NCKAP5: variants seen among roughly 807,000 people sequenced by gnomAD.
NCKAP5 encodes nck-associated protein 5.
Under a neutral mutation model 167.0 loss-of-function variants are expected in NCKAP5, and 92 were observed. The observed-to-expected ratio is 0.55, with a 90% CI of 0.47 to 0.66. The LOEUF (loss-of-function observed/expected upper bound fraction) is 0.66, where lower values mean the gene tolerates loss of function less well. NCKAP5 is among the 30% of genes least tolerant of loss of function. The pLI, the probability that NCKAP5 is intolerant of heterozygous loss-of-function variation, is 0.00. For missense variants in NCKAP5, 2,378 were observed against 2,315.0 expected, an observed-to-expected ratio of 1.03 and a Z score of -0.56; for synonymous variants, 891 against 877.4, an observed-to-expected ratio of 1.02 and a Z score of -0.27.
At chr2:133,502,655 C>T (rs760632705) in intron 3 of NCKAP5, among the ~76,000 whole-genome samples, 3 of 152,198 alleles carry the variant, frequency 2.0e-5, no homozygotes, top group African/African-American at 4.8e-5. Context: ...TCCCTCATGC[C>T]GTGAGCCTCT....
At chr2:133,397,056 A>G (rs972133866) in intron 3 of NCKAP5, among the ~76,000 whole-genome samples, 7 of 152,248 alleles carry the variant, frequency 4.6e-5, no homozygotes, top group African/African-American at 1.4e-4. Flanking sequence ...GGAATGACCC[A>G]TATCAGGTTT....
At chr2:133,205,208 G>A (rs368857713) in intron 5 of NCKAP5, among the ~76,000 whole-genome samples, 3 of 152,064 alleles carry the variant, frequency 2.0e-5, no homozygotes, top group African/African-American at 4.8e-5. Flanking sequence ...CAGGTGGGTC[G>A]CTTGAGCCCA....
chr2:132,690,148 T>C (rs955967463), intron 19 of NCKAP5, among the ~76,000 whole-genome samples: 1 of 152,186 alleles, frequency 6.6e-6, no homozygotes, highest in Non-Finnish European at 1.5e-5. Flanking sequence ...GGCCACTGTC[T>C]GTGTGGAGTT....
In NCKAP5 at chr2:133,297,166, AGTGTGTGT is replaced by A. The variant is rs60321858; in HGVS notation, c.143+5863_143+5870del. Among the ~76,000 whole-genome samples the A allele has an allele frequency of 5.0e-3, 709 of 142,176 alleles. 7 individuals are homozygous for A. Among genetic ancestry groups the A allele is most frequent in the African/African-American group, 0.017 (655 of 38,546 alleles). The allele number at this position is 142,176 out of a possible 152,430, so 93.3% of individuals were successfully genotyped here. ...CCTGAACTAGTATACAGGTTGTCAC[AGTGTGTGT>A]GTGTGTGTGTGTGTGTGTGTGTGTG... is the stretch of plus-strand genomic sequence containing the variant. On this transcript the variant is annotated intron_variant, in intron 4 of 19. Coordinates refer to ENST00000409261, the MANE Select transcript of NCKAP5 (RefSeq NM_207363.3).
At chr2:133,253,573 T>C (rs1266087056) in intron 4 of NCKAP5, among the ~76,000 whole-genome samples, 2 of 152,120 alleles carry the variant, frequency 1.3e-5, no homozygotes, top group African/African-American at 4.8e-5. Flanking sequence ...ATCATATTTA[T>C]CCCTTGAATG....
intron 16 of NCKAP5, among the ~76,000 whole-genome samples, chr2:132,759,606 C>T (rs1206274941): frequency 6.6e-6 from 1 of 152,058 alleles, no homozygotes; most frequent in Non-Finnish European, 1.5e-5. Context: ...TTCAAAAAGT[C>T]TTTGTTTAAA....
chr2:133,477,643 GAAC>G (rs1438457167), intron 3 of NCKAP5, among the ~76,000 whole-genome samples: 1 of 152,084 alleles, frequency 6.6e-6, no homozygotes, highest in African/African-American at 2.4e-5. Context: ...TAATAAAATA[GAAC>G]AATTATAACC....
At chr2:133,650,765 C>G in the NCKAP5 span, among the ~76,000 whole-genome samples, 1 of 151,974 alleles carries the variant, frequency 6.6e-6, no homozygotes, top group Non-Finnish European at 1.5e-5. Context: ...GCCTGTAATC[C>G]CAGCTACTCA....
rs780126153 is a variant in NCKAP5 at position 132,728,820 on chromosome 2, G to A, written c.5576C>T (p.Thr1859Ile). 6.2e-7 allele frequency: 1 copy of A among 1,613,728 alleles called. No individual in the cohort carries two copies. Among genetic ancestry groups the A allele is most frequent in the Non-Finnish European group, 8.5e-7 (1 of 1,179,796 alleles). ...TCACCTCCCCCGACCCCTCACCTGG[G>A]TCCCGGTGGCAGCAACTTCACTCCC... Reference protein sequence around the residue: ...DWGSEVAATGTQDKAPRMCTY... With the variant: ...DWGSEVAATGIQDKAPRMCTY... Residue 1859 changes from threonine to isoleucine, a missense_variant, in exon 18 of 20, where the codon ACC becomes ATC. Around this residue, in one of 3 missense-constraint regions of NCKAP5, gnomAD observed 1,325 missense variants for 1,274.5 expected, o/e 1.04. Transcript: ENST00000409261.
chr2:132,869,865 G>C (rs1311150766), intron 9 of NCKAP5, among the ~76,000 whole-genome samples: 3 of 152,174 alleles, frequency 2.0e-5, no homozygotes, highest in Admixed American at 6.5e-5. Context: ...GAGCTGTACT[G>C]TCTATTGAAT....
chr2:133,535,047 C>A (rs1265518848), intron 2 of NCKAP5, among the ~76,000 whole-genome samples: 1 of 152,134 alleles, frequency 6.6e-6, no homozygotes, highest in Non-Finnish European at 1.5e-5. Flanking sequence ...GAAGAGGTAT[C>A]TCATTGTGGA....
At chr2:133,107,659 C>T (rs575529648) in intron 6 of NCKAP5, among the ~76,000 whole-genome samples, 77 of 152,238 alleles carry the variant, frequency 5.1e-4, no homozygotes, top group Middle Eastern at 3.4e-3. Flanking sequence ...CACTATGAGG[C>T]GGGTGCTGTG....
chr2:133,208,986 G>A (rs746398248), intron 5 of NCKAP5, among the ~76,000 whole-genome samples: 10 of 152,060 alleles, frequency 6.6e-5, no homozygotes, highest in South Asian at 6.2e-4. Flanking sequence ...AAATGATGTC[G>A]AAAAATTAGC....
intron 3 of NCKAP5, among the ~76,000 whole-genome samples, chr2:133,403,401 T>C (rs1266246243): frequency 6.6e-6 from 1 of 152,244 alleles, no homozygotes; most frequent in Non-Finnish European, 1.5e-5. Context: ...CAGATATGCA[T>C]GGCCACAGGG....
chr2:133,156,006 T>C (rs1180250691), intron 5 of NCKAP5, among the ~76,000 whole-genome samples: 1 of 152,232 alleles, frequency 6.6e-6, no homozygotes, highest in African/African-American at 2.4e-5. Flanking sequence ...CTACTCCCTA[T>C]ACAGCTCTTA....
intron 3 of NCKAP5, among the ~76,000 whole-genome samples, chr2:133,327,271 G>C (rs997034540): frequency 6.6e-6 from 1 of 152,188 alleles, no homozygotes; most frequent in African/African-American, 2.4e-5. Context: ...GCTTCCACTA[G>C]GGCTGTTTCT....
intron 16 of NCKAP5, among the ~76,000 whole-genome samples, chr2:132,762,581 G>A (rs904061905): frequency 2.0e-5 from 3 of 152,176 alleles, no homozygotes; most frequent in East Asian, 1.9e-4. Flanking sequence ...GTTCAGTGGG[G>A]CCTTTCCCCT....
chr2:132,983,260 T>C (rs552660339), intron 7 of NCKAP5, among the ~76,000 whole-genome samples: 2 of 152,272 alleles, frequency 1.3e-5, no homozygotes, highest in African/African-American at 4.8e-5. Flanking sequence ...TGAAGAGAGA[T>C]AGTTTGATGA....
rs987497586 is a variant in NCKAP5, at chr2:132,673,117, T to C, written c.*172A>G. ...CCAAGTTGTCTACCCCAGGCCTATC[T>C]GAACTACTCAAAGATGTCTCTTCAT... On this transcript the variant is annotated 3_prime_UTR_variant, in exon 20 of 20. Coordinates refer to ENST00000409261, the MANE Select transcript of NCKAP5 (RefSeq NM_207363.3). 7.6e-7 allele frequency: 1 copy of C among 1,317,528 alleles called. No homozygotes were observed. Among genetic ancestry groups the C allele is most frequent in the South Asian group, 2.2e-5 (1 of 45,228 alleles). 81.6% of individuals were successfully genotyped at this position (1,317,528 alleles called of 1,614,324 possible).
Sources: gnomAD v4.1 joint callset for allele counts (sites outside exome capture counted in the v4.1 genomes callset) on GRCh38, gnomAD v4.1.1 for gene constraint, gnomAD v4.1.1 regional missense constraint, MANE v1.5 for transcripts, NCBI Gene and HGNC (gene_info 2026-07-23, HGNC 2026-07-21) for gene names.